Variants in GMEB1 observed in about 807,000 individuals in gnomAD.
GMEB1 encodes the protein glucocorticoid modulatory element-binding protein 1.
Under a neutral mutation model 52.4 loss-of-function variants are expected in GMEB1, and 6 were observed. The observed-to-expected ratio is 0.11, with a 90% CI of 0.06 to 0.23. The LOEUF (loss-of-function observed/expected upper bound fraction) is 0.23, where lower values mean the gene tolerates loss of function less well. Among genes scored for constraint, GMEB1 ranks in the 10% least tolerant of loss-of-function variants. The probability of loss-of-function intolerance (pLI) is 1.00; values close to 1 mark genes in which losing one functional copy is unlikely to be tolerated. For synonymous variants in GMEB1, 255 were observed against 244.9 expected, an observed-to-expected ratio of 1.04 and a Z score of -0.38; for missense variants, 486 against 685.6, an observed-to-expected ratio of 0.71 and a Z score of 3.25.
In GMEB1 at chr1:28,714,549, A is replaced by G. The variant is rs778297200; in HGVS notation, c.1468A>G (p.Met490Val). The G allele has an allele frequency of 5.6e-6, 9 of 1,614,224 alleles. No individual in the cohort carries two copies. In the East Asian group the frequency reaches 1.3e-4, roughly 24 times the overall value. Residue 490 changes from methionine (M) to valine (V), a missense_variant, in exon 10 of 10, where the codon ATG (methionine) becomes GTG (valine). Physicochemically the swap from Met to Val is conservative, Grantham distance 21. Around this residue, in one of 5 missense-constraint regions of GMEB1, gnomAD observed 153 missense variants for 200.8 expected, o/e 0.76. Coordinates refer to ENST00000373816, the MANE Select transcript of GMEB1 (RefSeq NM_001319674.2). ...GGTTAGCCCTGTGGAATTGGTGGCC[A>G]TGGAGTCCGGCCTAACCTCGGCAAT... ...TMVSPVELVA[M>V]ESGLTSAIQA...
chr1:28,706,906 A>G (rs1008185230), intron 8 of GMEB1, among the ~76,000 whole-genome samples: 1 of 150,398 alleles, frequency 6.6e-6, no homozygotes, highest in East Asian at 2.0e-4. Context: ...ACCTCCGGTA[A>G]TCCACCTGTT....
chr1:28,712,769 G>A (rs571124583), intron 9 of GMEB1, among the ~76,000 whole-genome samples: 77 of 151,930 alleles, frequency 5.1e-4, no homozygotes, highest in African/African-American at 1.8e-3. Flanking sequence ...CCTGGGAGGC[G>A]GAGGTTGCAG....
At chr1:28,692,022 T>C (rs1412849373) in intron 4 of GMEB1, among the ~76,000 whole-genome samples, 1 of 149,952 alleles carries the variant, frequency 6.7e-6, no homozygotes, top group Non-Finnish European at 1.5e-5. Context: ...CTTTCTTTTT[T>C]TTTTTTTTCA....
At chr1:28,702,713 T>G in intron 7 of GMEB1, 144 bp downstream of exon 7, 1 of 667,674 alleles carries the variant, frequency 1.5e-6, no homozygotes, top group South Asian at 1.9e-5. Flanking sequence ...AACATCCTAC[T>G]TTAATCCATG....
intron 5 of GMEB1, among the ~76,000 whole-genome samples, chr1:28,695,642 T>A (rs1469359966): frequency 6.6e-6 from 1 of 151,430 alleles, no homozygotes; most frequent in Non-Finnish European, 1.5e-5. Context: ...AACATTATTT[T>A]AAAAAAATTT....
At chr1:28,707,433 TA>T (rs1179451184) in intron 8 of GMEB1, among the ~76,000 whole-genome samples, 2 of 152,080 alleles carry the variant, frequency 1.3e-5, no homozygotes, top group Non-Finnish European at 2.9e-5. Context: ...AAGCAAGAGA[TA>T]ATGTATCATG....
Position 28,669,858 on chromosome 1 carries a change from A to C in GMEB1, c.-31+1019A>C, listed in dbSNP as rs186971234. 1.7e-4 allele frequency among the ~76,000 whole-genome samples: 26 copies of C among 152,316 alleles called. 1 individual carries two copies. The highest frequency in any genetic ancestry group is 1.4e-3 in the Admixed American group (22 of 15,270). On this transcript the variant is annotated intron_variant, in intron 1 of 9. Coordinates refer to ENST00000373816, the MANE Select transcript of GMEB1 (RefSeq NM_001319674.2). ...GCCAGGTGTTATCTAATTGAGGGGCAGGAGAGATGAAGGCAAAATCTCAAC... is the reference window on the plus strand; with the variant it reads ...GCCAGGTGTTATCTAATTGAGGGGCCGGAGAGATGAAGGCAAAATCTCAAC...
intron 9 of GMEB1, among the ~76,000 whole-genome samples, chr1:28,712,531 G>A (rs1671101835): frequency 6.6e-6 from 1 of 152,072 alleles, no homozygotes; most frequent in Non-Finnish European, 1.5e-5. Flanking sequence ...AAGATATAAA[G>A]ACATTTATGC....
At chr1:28,695,469 T>C (rs2124527847) in intron 5 of GMEB1, among the ~76,000 whole-genome samples, 1 of 151,018 alleles carries the variant, frequency 6.6e-6, no homozygotes, top group East Asian at 2.0e-4. Flanking sequence ...CAAGCTTAGG[T>C]GATCCACCCG....
intron 1 of GMEB1, among the ~76,000 whole-genome samples, chr1:28,674,863 C>T (rs1422390194): frequency 4.2e-5 from 6 of 142,310 alleles, no homozygotes; most frequent in East Asian, 2.0e-4. Context: ...GGACTACAGG[C>T]GCCCGCCACT....
At chr1:28,701,030 G>A (rs1363772917) in intron 6 of GMEB1, among the ~76,000 whole-genome samples, 2 of 151,996 alleles carry the variant, frequency 1.3e-5, no homozygotes, top group African/African-American at 4.8e-5. Context: ...TGGGTTCCAC[G>A]GGGCTGACTT....
Position 28,710,557 on chromosome 1 carries a change from C to G in GMEB1, c.906C>G (p.Gly302=). The G allele has an allele frequency of 6.2e-7, 1 of 1,610,102 alleles. No individual in the cohort carries two copies. Among genetic ancestry groups the G allele is most frequent in the Non-Finnish European group, 8.5e-7 (1 of 1,177,902 alleles). ...TCAACAATGTAGCACACACATTTGGCCTAATGGACACAGTCAAGAAGGTTT... is the reference window on the plus strand; with the variant it reads ...TCAACAATGTAGCACACACATTTGGGCTAATGGACACAGTCAAGAAGGTTT... ...AVLNNVAHTF[G]LMDTVKKVLD... is the part of the protein sequence containing the mutation. Residue 302 remains glycine (G), a synonymous_variant, in exon 9 of 10, where the codon GGC becomes GGG. Transcript: ENST00000373816.
intron 6 of GMEB1, among the ~76,000 whole-genome samples, chr1:28,700,356 C>CA (rs1330395550): frequency 2.0e-5 from 3 of 150,714 alleles, no homozygotes; most frequent in African/African-American, 7.3e-5. Flanking sequence ...ACTAAAAATA[C>CA]AAAAAAAATT....
chr1:28,683,827 A>G, intron 2 of GMEB1, 87 bp downstream of exon 2: 1 of 1,270,538 alleles, frequency 7.9e-7, no homozygotes, highest in South Asian at 1.3e-5. Context: ...GCTTAGCACA[A>G]TGGAACATTT....
At position 28,715,033 on chromosome 1, in the gene GMEB1, G is replaced by A. The variant is rs956056577; in HGVS notation, c.*260G>A. 2.5e-6 allele frequency: 1 copy of A among 408,102 alleles called. No homozygotes were observed. Among genetic ancestry groups the A allele is most frequent in the African/African-American group, 2.0e-5 (1 of 50,020 alleles). 25.3% of individuals were successfully genotyped at this position (408,102 alleles called of 1,614,324 possible). A position where few individuals can be genotyped will look rare whatever the true frequency, so the allele number is the denominator to read the frequency against. On this transcript the variant is annotated 3_prime_UTR_variant, in exon 10 of 10. Coordinates refer to ENST00000373816, the MANE Select transcript of GMEB1 (RefSeq NM_001319674.2). Reference sequence around the variant, plus strand: ...CACCAAGAAAGTAATTTCTTTTAGGGGAAGTGTCAAGATAACAAGTAACCC... The same window carrying A: ...CACCAAGAAAGTAATTTCTTTTAGGAGAAGTGTCAAGATAACAAGTAACCC...
intron 1 of GMEB1, among the ~76,000 whole-genome samples, chr1:28,670,408 A>ACCT (rs2124434139): frequency 6.6e-6 from 1 of 150,488 alleles, no homozygotes; most frequent in East Asian, 2.0e-4. Flanking sequence ...GCTCACTGCA[A>ACCT]CCTCCGCCTC....
Position 28,687,346 on chromosome 1 carries a change from A to G in GMEB1, c.129-2758A>G, listed in dbSNP as rs1007858483. On this transcript the variant is annotated intron_variant, in intron 2 of 9. Coordinates refer to ENST00000373816, the MANE Select transcript of GMEB1 (RefSeq NM_001319674.2). ...ATGAGACCCTATCTCACACACACAC[A>G]CACACACACACACACACACACACAC... Among the ~76,000 whole-genome samples the G allele has an allele frequency of 1.7e-4, 7 of 41,332 alleles. 1 individual carries two copies. The highest frequency in any genetic ancestry group is 2.0e-4 in the Admixed American group (1 of 4,922). 27.1% of individuals were successfully genotyped at this position (41,332 alleles called of 152,430 possible). A position where few individuals can be genotyped will look rare whatever the true frequency, so the allele number is the denominator to read the frequency against.
chr1:28,684,935 G>A (rs1669569820), intron 2 of GMEB1, among the ~76,000 whole-genome samples: 1 of 152,118 alleles, frequency 6.6e-6, no homozygotes, highest in South Asian at 2.1e-4. Context: ...TAACCATGAA[G>A]GCATGATTTA....
rs774349007 is a variant in GMEB1, at chr1:28,714,217, C to G, written c.1136C>G (p.Thr379Ser). Residue 379 changes from threonine (T) to serine (S), a missense_variant, in exon 10 of 10, where the codon ACT becomes AGT. Physicochemically the swap from Thr to Ser is moderately conservative, Grantham distance 58. Coordinates refer to ENST00000373816, the MANE Select transcript of GMEB1 (RefSeq NM_001319674.2). ...CGGCTCCAGCGGCCAGCCTCCACCA[C>G]TGTCTTGAGCCCTTCTCCTCCTGTC... ...RPRLQRPAST[T>S]VLSPSPPVQQ... 1.9e-6 allele frequency: 3 copies of G among 1,614,250 alleles called. No individual in the cohort carries two copies. In the South Asian group the frequency reaches 3.3e-5, roughly 18 times the overall value.
Sources: allele counts gnomAD v4.1 joint callset (sites outside exome capture counted in the v4.1 genomes callset), GRCh38; gene constraint gnomAD v4.1.1; regional missense constraint gnomAD v4.1.1; transcripts MANE v1.5; gene names NCBI Gene and HGNC (gene_info 2026-07-23, HGNC 2026-07-21).